GALNT14: variants seen among roughly 807,000 people sequenced by gnomAD.
The protein encoded by GALNT14 is UDP-GalNAc:polypeptide N-acetylgalactosaminyltransferase 14.
Under a neutral mutation model 77.5 loss-of-function variants are expected in GALNT14, and 60 were observed. The ratio of observed to expected loss-of-function variants is 0.77; its 90% CI spans 0.63 to 0.96. GALNT14 has a LOEUF of 0.96. GALNT14 is among the 40% of genes least tolerant of loss of function. GALNT14 has a pLI of 0.00. For synonymous variants in GALNT14, 280 were observed against 281.7 expected, an observed-to-expected ratio of 0.99 and a Z score of 0.06; for missense variants, 710 against 731.0, an observed-to-expected ratio of 0.97 and a Z score of 0.33.
At chr2:31,105,900 T>C (rs1677531838) in intron 1 of GALNT14, among the ~76,000 whole-genome samples, 2 of 152,174 alleles carry the variant, frequency 1.3e-5, no homozygotes, top group African/African-American at 2.4e-5. Context: ...TAGCCTTCCT[T>C]CTTTCCATGT....
intron 1 of GALNT14, among the ~76,000 whole-genome samples, chr2:31,042,675 C>G (rs1423848649): frequency 6.6e-6 from 1 of 152,172 alleles, no homozygotes; most frequent in Non-Finnish European, 1.5e-5. Flanking sequence ...TCCTTACTCT[C>G]CACATCCAAT....
intron 1 of GALNT14, among the ~76,000 whole-genome samples, chr2:31,112,274 C>T (rs1677878527): frequency 6.6e-6 from 1 of 152,228 alleles, no homozygotes; most frequent in Non-Finnish European, 1.5e-5. Flanking sequence ...TGGACAAAAA[C>T]CTGTGCTTGC....
chr2:30,956,073 G>T, intron 4 of GALNT14, 96 bp from the exon 5 acceptor site: 1 of 1,228,678 alleles, frequency 8.1e-7, no homozygotes. Context: ...GGTAGGTGAG[G>T]CAGCCCTGTC....
chr2:30,945,871 C>T lies in GALNT14; in HGVS notation c.655-1G>A. ...CAGGGCACACCACCCGCGTGTAGTC[C>T]TGTAAGACAACAGACCCGCACTTAG... On this transcript the variant is annotated splice_acceptor_variant, in intron 6 of 14. Transcript: ENST00000349752. LOFTEE classifies it high-confidence loss of function. The T allele has an allele frequency of 1.2e-6, 2 of 1,613,842 alleles. No homozygotes were observed. Among genetic ancestry groups the T allele is most frequent in the Non-Finnish European group, 1.7e-6 (2 of 1,179,734 alleles).
intron 1 of GALNT14, among the ~76,000 whole-genome samples, chr2:31,050,843 C>G (rs944790063): frequency 6.7e-6 from 1 of 148,198 alleles, no homozygotes; most frequent in Admixed American, 6.8e-5. Context: ...CAGCTGTTGG[C>G]ATTTGGGGAT....
intron 1 of GALNT14, among the ~76,000 whole-genome samples, chr2:31,072,892 A>G (rs1324413927): frequency 6.6e-6 from 1 of 152,174 alleles, no homozygotes; most frequent in Non-Finnish European, 1.5e-5. Flanking sequence ...TTTTTTACAC[A>G]TAATGATAAA....
chr2:30,991,380 G>C (rs2148401677), intron 2 of GALNT14: 1 of 152,124 alleles, frequency 6.6e-6, no homozygotes, highest in South Asian at 2.1e-4. Context: ...TTCTGCTCGG[G>C]GAAATACAAT....
At chr2:30,941,482 C>A (rs114707391) in intron 9 of GALNT14, among the ~76,000 whole-genome samples, 2,695 of 152,292 alleles carry the variant, frequency 0.018, 30 homozygotes, top group Admixed American at 0.048. Context: ...AGTATCCTGA[C>A]GTTAACACCT....
intron 13 of GALNT14, among the ~76,000 whole-genome samples, chr2:30,919,060 G>A (rs1177895704): frequency 2.0e-5 from 3 of 152,290 alleles, no homozygotes; most frequent in African/African-American, 7.2e-5. Context: ...CTGGGAGACA[G>A]GTAAAAGGAC....
At chr2:31,131,893 T>C (rs1368414861) in intron 1 of GALNT14, among the ~76,000 whole-genome samples, 1 of 152,174 alleles carries the variant, frequency 6.6e-6, no homozygotes, top group Non-Finnish European at 1.5e-5. Context: ...ACAGGGCCAT[T>C]AATGGATCTT....
chr2:31,113,572 G>C (rs1677945578), intron 1 of GALNT14, among the ~76,000 whole-genome samples: 1 of 152,136 alleles, frequency 6.6e-6, no homozygotes, highest in Non-Finnish European at 1.5e-5. Context: ...GGTAGCTCAG[G>C]GTATTCCTTC....
intron 1 of GALNT14, among the ~76,000 whole-genome samples, chr2:31,035,196 GT>G (rs1371307349): frequency 6.6e-6 from 1 of 151,992 alleles, no homozygotes; most frequent in Non-Finnish European, 1.5e-5. Context: ...CAAAAGTGAG[GT>G]ATTGAAGTTT....
chr2:30,905,618 C>A (rs1185965906), downstream of GALNT14, among the ~76,000 whole-genome samples: 1 of 151,912 alleles, frequency 6.6e-6, no homozygotes, highest in African/African-American at 2.4e-5. Flanking sequence ...GAGAATGGAA[C>A]CAAGTTGGAA....
At chr2:30,895,803 A>C in the GALNT14 span, among the ~76,000 whole-genome samples, 1 of 151,852 alleles carries the variant, frequency 6.6e-6, no homozygotes, top group African/African-American at 2.4e-5. Context: ...CTCTCTCTCA[A>C]AGAAAACCTC....
chr2:30,977,541 C>A (rs1358390389), intron 2 of GALNT14, among the ~76,000 whole-genome samples: 1 of 152,160 alleles, frequency 6.6e-6, no homozygotes, highest in Non-Finnish European at 1.5e-5. Flanking sequence ...AGACTTTCCA[C>A]CTAAAGGATC....
At chr2:30,909,147 G>T (rs1319232019), downstream of GALNT14, among the ~76,000 whole-genome samples, 14 of 151,884 alleles carry the variant, frequency 9.2e-5, no homozygotes, top group African/African-American at 3.1e-4. Flanking sequence ...ACATAGGCAC[G>T]GGCAAGGACT....
At chr2:31,057,370 G>GTATATATATATATATATATACACAGC (rs1558532973) in intron 1 of GALNT14, among the ~76,000 whole-genome samples, 19 of 120,214 alleles carry the variant, frequency 1.6e-4, no homozygotes, top group African/African-American at 6.5e-4. Context: ...GTGTGTGTGT[G>GTATATATATATATATATATACACAGC]TGTGTATATA....
chr2:30,918,331 T>C (rs1287310245), intron 13 of GALNT14, among the ~76,000 whole-genome samples: 1 of 152,158 alleles, frequency 6.6e-6, no homozygotes, highest in Non-Finnish European at 1.5e-5. Flanking sequence ...TTTGAGCGAG[T>C]TACTCAACTC....
intron 9 of GALNT14, among the ~76,000 whole-genome samples, chr2:30,934,212 C>T (rs1665918582): frequency 6.6e-6 from 1 of 152,170 alleles, no homozygotes; most frequent in Admixed American, 6.5e-5. Flanking sequence ...CTGCCTGGCA[C>T]CCACATCCCC....
Sources: allele counts gnomAD v4.1 joint callset (sites outside exome capture counted in the v4.1 genomes callset), GRCh38; gene constraint gnomAD v4.1.1; transcripts MANE v1.5; gene names NCBI Gene and HGNC (gene_info 2026-07-23, HGNC 2026-07-21).